The following GADL1 variants were observed in gnomAD, a reference collection of about 807,000 sequenced individuals.
The protein encoded by GADL1 is GAD like acidic amino acid decarboxylase 1, also known as acidic amino acid decarboxylase GADL1.
Under a neutral mutation model 69.5 loss-of-function variants are expected in GADL1, and 71 were observed. The ratio of observed to expected loss-of-function variants is 1.02; its 90% CI spans 0.84 to 1.25. GADL1 has a LOEUF of 1.25. Among genes scored for constraint, GADL1 ranks in the 50% most tolerant of loss-of-function variants. GADL1 has a pLI of 0.00. For missense variants in GADL1, 737 were observed against 631.8 expected, an observed-to-expected ratio of 1.17 and a Z score of -1.79; for synonymous variants, 254 against 214.4, an observed-to-expected ratio of 1.18 and a Z score of -1.62.
chr3:30,783,814 G>A (rs1056307344), intron 13 of GADL1, among the ~76,000 whole-genome samples: 1 of 152,140 alleles, frequency 6.6e-6, no homozygotes, highest in Non-Finnish European at 1.5e-5. Flanking sequence ...TTCATTGCAA[G>A]GACATGAGTG....
chr3:30,889,661 G>A (rs561766387), intron 1 of GADL1, among the ~76,000 whole-genome samples: 3 of 151,882 alleles, frequency 2.0e-5, no homozygotes, highest in South Asian at 2.1e-4. Flanking sequence ...TTTAAATCAC[G>A]CATCTCTTTT....
chr3:30,841,409 A>G (rs943174663), intron 8 of GADL1, among the ~76,000 whole-genome samples: 4 of 152,182 alleles, frequency 2.6e-5, no homozygotes, highest in African/African-American at 9.7e-5. Context: ...AATTTGAGCG[A>G]CAAAAATGAT....
intron 11 of GADL1, among the ~76,000 whole-genome samples, chr3:30,831,586 TTC>T (rs1046894350): frequency 6.6e-6 from 1 of 152,022 alleles, no homozygotes; most frequent in Non-Finnish European, 1.5e-5. Flanking sequence ...TTCCCTTTGT[TTC>T]TGTCATTCTG....
intron 8 of GADL1, among the ~76,000 whole-genome samples, chr3:30,841,181 GTAT>G (rs1365604077): frequency 2.0e-5 from 3 of 152,200 alleles, no homozygotes; most frequent in African/African-American, 7.2e-5. Flanking sequence ...CAGTCATCAT[GTAT>G]TATTATCTCA....
chr3:30,744,119 A>T (rs1695666518), intron 14 of GADL1, among the ~76,000 whole-genome samples: 1 of 152,206 alleles, frequency 6.6e-6, no homozygotes, highest in South Asian at 2.1e-4. Flanking sequence ...TAACTAAGTG[A>T]AACCTAATTC....
intron 14 of GADL1, among the ~76,000 whole-genome samples, chr3:30,745,922 T>TCTTCTTCTC (rs1381051936): frequency 3.3e-5 from 5 of 151,844 alleles, no homozygotes; most frequent in Non-Finnish European, 7.4e-5. Flanking sequence ...CATTTCTTCT[T>TCTTCTTCTC]CTTCTTCTCC....
At chr3:30,872,128 A>T (rs1698500611) in intron 1 of GADL1, among the ~76,000 whole-genome samples, 1 of 151,890 alleles carries the variant, frequency 6.6e-6, no homozygotes, top group Non-Finnish European at 1.5e-5. Flanking sequence ...GAACTTCTAT[A>T]ATGGGTACAA....
chr3:30,792,826 G>A (rs1231239392), intron 12 of GADL1, among the ~76,000 whole-genome samples: 1 of 152,108 alleles, frequency 6.6e-6, no homozygotes, highest in Non-Finnish European at 1.5e-5. Flanking sequence ...TTCCCCAGAA[G>A]TCTTCACAGT....
At chr3:30,865,174 G>A (rs1414471404) in intron 1 of GADL1, among the ~76,000 whole-genome samples, 1 of 151,732 alleles carries the variant, frequency 6.6e-6, no homozygotes, top group Non-Finnish European at 1.5e-5. Context: ...TTCTCAGGGA[G>A]GCCTTCCTTG....
chr3:30,832,429 A>T (rs1697807724), intron 11 of GADL1, among the ~76,000 whole-genome samples: 1 of 152,014 alleles, frequency 6.6e-6, no homozygotes. Context: ...TTGTTGTCTA[A>T]ATTACTCAAA....
intron 14 of GADL1, among the ~76,000 whole-genome samples, chr3:30,729,321 G>A (rs1695420056): frequency 6.6e-6 from 1 of 152,096 alleles, no homozygotes; most frequent in South Asian, 2.1e-4. Context: ...TATTAAGAAT[G>A]CATTTTTACT....
intron 1 of GADL1, among the ~76,000 whole-genome samples, chr3:30,870,898 A>T (rs540788716): frequency 6.6e-6 from 1 of 151,852 alleles, no homozygotes; most frequent in South Asian, 2.1e-4. Context: ...ATGCTGGGGA[A>T]AAGCAAGTTA....
At chr3:30,840,851 G>A (rs1697953969) in intron 8 of GADL1, among the ~76,000 whole-genome samples, 1 of 152,222 alleles carries the variant, frequency 6.6e-6, no homozygotes, top group South Asian at 2.1e-4. Flanking sequence ...ATGGCATGCT[G>A]CCAGTGAGCT....
intron 1 of GADL1, among the ~76,000 whole-genome samples, chr3:30,893,536 C>T (rs895387094): frequency 3.3e-5 from 5 of 152,146 alleles, no homozygotes; most frequent in East Asian, 3.9e-4. Flanking sequence ...GCCCTCTCCG[C>T]TCCCCAGCCT....
intron 13 of GADL1, 91 bp downstream of exon 13, chr3:30,786,264 A>AT (rs768928239): frequency 5.7e-5 from 46 of 809,438 alleles, no homozygotes; most frequent in Non-Finnish European, 9.2e-5. Flanking sequence ...CTGCAACACA[A>AT]AAACCAATGA....
intron 14 of GADL1, among the ~76,000 whole-genome samples, chr3:30,755,427 A>G (rs1439988143): frequency 3.3e-5 from 5 of 152,236 alleles, no homozygotes; most frequent in Admixed American, 3.3e-4. Context: ...TCTCTAAGCC[A>G]GCACTGGAAT....
intron 11 of GADL1, among the ~76,000 whole-genome samples, chr3:30,819,180 T>C (rs1162325584): frequency 6.9e-6 from 1 of 145,348 alleles, no homozygotes; most frequent in East Asian, 2.1e-4. Flanking sequence ...AGGGAGGTTC[T>C]ATTCTTTCTT....
chr3:30,889,082 T>C (rs1698748185), intron 1 of GADL1, among the ~76,000 whole-genome samples: 1 of 42,552 alleles, frequency 2.4e-5, no homozygotes, highest in South Asian at 7.0e-4. Flanking sequence ...CTCGGTAATC[T>C]ATAAAAAAAA....
At chr3:30,844,704 A>G (rs1698026668) in intron 6 of GADL1, among the ~76,000 whole-genome samples, 2 of 152,280 alleles carry the variant, frequency 1.3e-5, no homozygotes, top group African/African-American at 4.8e-5. Context: ...TCTTGAACAA[A>G]TAATATACAC....
Sources: allele counts gnomAD v4.1 joint callset (sites outside exome capture counted in the v4.1 genomes callset), GRCh38; gene constraint gnomAD v4.1.1; transcripts MANE v1.5; gene names NCBI Gene and HGNC (gene_info 2026-07-23, HGNC 2026-07-21).